Variants in ZDHHC11 observed in about 807,000 individuals in gnomAD.
The protein encoded by ZDHHC11 is palmitoyltransferase ZDHHC11.
ZDHHC11 carries 44 observed loss-of-function variants against 51.3 expected under a neutral mutation model. The observed-to-expected ratio is 0.86, with a 90% CI of 0.67 to 1.10. ZDHHC11 has a LOEUF of 1.10. Among genes scored for constraint, ZDHHC11 ranks in the 50% least tolerant of loss-of-function variants. The pLI, the probability that ZDHHC11 is intolerant of heterozygous loss-of-function variation, is 0.00. For synonymous variants in ZDHHC11, 163 were observed against 222.0 expected (o/e 0.73, Z 2.36); for missense variants, 400 against 537.7 (o/e 0.74, Z 2.53).
At chr5:837,255 G>C (rs1245696654) in intron 6 of ZDHHC11, 110 bp downstream of exon 6, 19 of 1,219,242 alleles carry the variant, frequency 1.6e-5, no homozygotes, top group South Asian at 6.3e-5. Context: ...CAGAGTCCAT[G>C]GGCTGCATCG....
rs572001257 is a variant in ZDHHC11, at chr5:819,538, C to A, written c.1133G>T (p.Gly378Val). 4.3e-6 allele frequency: 7 copies of A among 1,609,502 alleles called. No individual in the cohort carries two copies. The highest frequency in any genetic ancestry group is 5.9e-6 in the Non-Finnish European group (7 of 1,176,500). ...QFSTRVHPDG[G>V]SMAQEADDAP... Reference sequence around the variant, plus strand: ...ATTGCAACTTACCTGTGCCATCGAGCCCCCGTCTGGGTGTACACGAGTGGA... The same window carrying A: ...ATTGCAACTTACCTGTGCCATCGAGACCCCGTCTGGGTGTACACGAGTGGA... Residue 378 changes from glycine (G) to valine (V), a missense_variant, in exon 10 of 13, where the codon GGC becomes GTC. Physicochemically the swap from Gly to Val is moderately radical, Grantham distance 109. Transcript: ENST00000283441.
upstream of ZDHHC11, among the ~76,000 whole-genome samples, chr5:854,030 C>A (rs1251439275): frequency 6.8e-6 from 1 of 147,452 alleles, no homozygotes; most frequent in South Asian, 2.1e-4. Context: ...GCCAGGGGGA[C>A]AGACCGCACA....
rs1181464100 is a variant in ZDHHC11 at position 823,996 on chromosome 5, C to T, written c.1023+1168G>A. On this transcript the variant is annotated intron_variant, in intron 8 of 12. Coordinates refer to ENST00000283441, the MANE Select transcript of ZDHHC11 (RefSeq NM_024786.3). ...GCAGGCAAGGGGCAAGGCTTGGACA[C>T]CAGCGTCGCTGTTCCTCCAGGCTGG... is the stretch of plus-strand genomic sequence containing the variant. 1.3e-5 allele frequency: 6 copies of T among 450,464 alleles called. 1 individual carries two copies. The highest frequency in any genetic ancestry group is 2.4e-5 in the Admixed American group (1 of 41,990). 27.9% of individuals were successfully genotyped at this position (450,464 alleles called of 1,614,324 possible).
chr5:842,505 T>G (rs1277352143), intron 4 of ZDHHC11: 1 of 985,560 alleles, frequency 1.0e-6, no homozygotes, highest in African/African-American at 1.7e-5. Context: ...TGTCACACCG[T>G]GTTGGCTCCG....
chr5:811,385 A>G (rs1160442475), intron 11 of ZDHHC11, among the ~76,000 whole-genome samples: 22 of 141,370 alleles, frequency 1.6e-4, no homozygotes, highest in South Asian at 2.2e-4. Flanking sequence ...GATTGCTGAA[A>G]CTAGGCAAAA....
At chr5:849,957 C>T (rs971034300) in intron 1 of ZDHHC11, among the ~76,000 whole-genome samples, 2 of 152,226 alleles carry the variant, frequency 1.3e-5, no homozygotes, top group Admixed American at 1.3e-4. Flanking sequence ...CAGAGGCCCT[C>T]GCAGTGTGGC....
upstream of ZDHHC11, among the ~76,000 whole-genome samples, chr5:851,566 T>C (rs950941034): frequency 6.6e-6 from 1 of 152,210 alleles, no homozygotes; most frequent in Admixed American, 6.5e-5. Context: ...AAGAGAGACA[T>C]TGAGAAATAG....
Position 814,644 on chromosome 5 carries a change from C to G in ZDHHC11, c.1181+117G>C, listed in dbSNP as rs1740526143. 2.6e-6 allele frequency: 3 copies of G among 1,142,502 alleles called. No homozygotes were observed. The African/African-American group carries it at 4.6e-5, about 18-fold the overall frequency. 70.8% of individuals were successfully genotyped at this position (1,142,502 alleles called of 1,614,324 possible). ...ATGTTCAGAGAAACATTTCTACTTTCCCTTATGTCATCAGATTATTTGAAC... is the reference window on the plus strand; with the variant it reads ...ATGTTCAGAGAAACATTTCTACTTTGCCTTATGTCATCAGATTATTTGAAC... On this transcript the variant is annotated intron_variant, in intron 11 of 12. Coordinates refer to ENST00000283441, the MANE Select transcript of ZDHHC11 (RefSeq NM_024786.3).
intron 11 of ZDHHC11, among the ~76,000 whole-genome samples, chr5:813,327 C>CA (rs1279741679): frequency 7.1e-6 from 1 of 140,514 alleles, no homozygotes; most frequent in Non-Finnish European, 1.5e-5. Context: ...GACCCTGTCT[C>CA]AAAAAAATAA....
In ZDHHC11 at chr5:801,100, C is replaced by T. The variant is rs765530157; in HGVS notation, c.*7G>A. 1.3e-5 allele frequency: 21 copies of T among 1,609,806 alleles called. 3 individuals are homozygous for T. Among genetic ancestry groups the T allele is most frequent in the Non-Finnish European group, 1.8e-5 (21 of 1,176,822 alleles). ...TGACCCGCACTGCCACGTATCTTAC[C>T]TGAATCTCAGTCTTCACTTTCAGCA... On this transcript the variant is annotated splice_region_variant and 3_prime_UTR_variant, in exon 12 of 13. Coordinates refer to ENST00000283441, the MANE Select transcript of ZDHHC11 (RefSeq NM_024786.3).
Position 833,790 on chromosome 5 carries a change from C to T in ZDHHC11, c.918G>A (p.Leu306=). 1 of 1,563,050 alleles carries T rather than the reference C, an allele frequency of 6.4e-7. No homozygotes were observed. The highest frequency in any genetic ancestry group is 8.8e-7 in the Non-Finnish European group (1 of 1,137,496). The part of the protein sequence containing the change: ...KGVLQQGAGA[L]GSSAQGVKAK... ...CAACTTACCCCTGTGCAGATGAGCC[C>T]AGGGCGCCAGCTCCTTGCTGTGGGG... is the stretch of plus-strand genomic sequence containing the variant. Residue 306 remains leucine (L), a synonymous_variant, in exon 7 of 13, where the codon CTG becomes CTA. Transcript: ENST00000283441.
Position 850,794 on chromosome 5 carries a change from C to G in ZDHHC11, c.-192G>C, listed in dbSNP as rs1470277573. The G allele has an allele frequency of 5.8e-6, 4 of 687,270 alleles. No individual in the cohort carries two copies. The highest frequency in any genetic ancestry group is 1.8e-5 in the African/African-American group (1 of 55,388). The allele number at this position is 687,270 out of a possible 1,614,324, so 42.6% of individuals were successfully genotyped here. On this transcript the variant is annotated 5_prime_UTR_variant, in exon 1 of 13. Coordinates refer to ENST00000283441, the MANE Select transcript of ZDHHC11 (RefSeq NM_024786.3). ...GCTGGGCTGGAGTCGGTGCAGGGCCCCGCCCAGGGGAATGAACAGACATGC... is the reference window on the plus strand; with the variant it reads ...GCTGGGCTGGAGTCGGTGCAGGGCCGCGCCCAGGGGAATGAACAGACATGC...
chr5:857,807 G>T (rs116057005), intron 1 of ZDHHC11, among the ~76,000 whole-genome samples: 5,402 of 143,950 alleles, frequency 0.038, 156 homozygotes, highest in Non-Finnish European at 0.059. Flanking sequence ...ATGACACCGT[G>T]GTCCCCTGAG....
At position 850,753 on chromosome 5, in the gene ZDHHC11, C is replaced by G. The variant is rs530202698; in HGVS notation, c.-151G>C. 4.8e-4 allele frequency: 457 copies of G among 942,842 alleles called. 2 individuals carry two copies. In the South Asian group the frequency reaches 5.4e-3, roughly 11 times the overall value. 58.4% of individuals were successfully genotyped at this position (942,842 alleles called of 1,614,324 possible). A position where few individuals can be genotyped will look rare whatever the true frequency, so the allele number is the denominator to read the frequency against. ...CAGCACTGCCTGGGGCCACGTTCCC[C>G]GCAGAGGGAGCAGGGGCTGGGCTGG... On this transcript the variant is annotated 5_prime_UTR_variant, in exon 1 of 13. Transcript: ENST00000283441.
intron 9 of ZDHHC11, 132 bp from the exon 10 acceptor site, chr5:819,744 C>T (rs1256014215): frequency 4.4e-6 from 4 of 904,198 alleles, no homozygotes; most frequent in African/African-American, 1.6e-5. Context: ...TGGAGACCAG[C>T]AGCTCCCGGG....
rs1743642350 is a variant in ZDHHC11 at position 835,078 on chromosome 5, A to C, written c.901-1271T>G. On this transcript the variant is annotated intron_variant, in intron 6 of 12. Coordinates refer to ENST00000283441, the MANE Select transcript of ZDHHC11 (RefSeq NM_024786.3). ...TAGGCAGTGATTTTGGTGTCAGATC[A>C]AAGACAAGCTTTGTCTCACTAAAGA... is the stretch of plus-strand genomic sequence containing the variant. Among the ~76,000 whole-genome samples, 4 of 151,702 alleles carry C rather than the reference A, an allele frequency of 2.6e-5. No individual in the cohort carries two copies. In the South Asian group the frequency reaches 8.3e-4, roughly 32 times the overall value.
At chr5:816,459 G>A (rs1261979981) in intron 10 of ZDHHC11, 4 of 478,650 alleles carry the variant, frequency 8.4e-6, no homozygotes, top group African/African-American at 2.0e-5. Context: ...TGGATAAGTC[G>A]AAGATAAGTG....
chr5:821,722 G>C (rs997652945), intron 9 of ZDHHC11, 139 bp downstream of exon 9: 1 of 821,050 alleles, frequency 1.2e-6, no homozygotes, highest in Non-Finnish European at 1.9e-6. Flanking sequence ...CTGCTCTCTC[G>C]AAAGTGCCAC....
intron 9 of ZDHHC11, among the ~76,000 whole-genome samples, chr5:820,115 G>A (rs1179670690): frequency 2.0e-5 from 3 of 151,272 alleles, no homozygotes; most frequent in Non-Finnish European, 3.0e-5. Context: ...TTTTGTTTTG[G>A]TTTTAGAGAG....
Sources: gnomAD v4.1 joint callset for allele counts (sites outside exome capture counted in the v4.1 genomes callset) on GRCh38, gnomAD v4.1.1 for gene constraint, MANE v1.5 for transcripts, NCBI Gene and HGNC (gene_info 2026-07-23, HGNC 2026-07-21) for gene names.